ARHGEF3: variants seen among roughly 807,000 people sequenced by gnomAD.
ARHGEF3 encodes Rho guanine nucleotide exchange factor 3.
ARHGEF3 carries 28 observed loss-of-function variants against 63.2 expected under a neutral mutation model. That is an observed-to-expected ratio of 0.44 (90% confidence interval 0.33 to 0.61). ARHGEF3 has a LOEUF of 0.61. Ranked by LOEUF, ARHGEF3 falls within the 20% of genes least tolerant of loss-of-function variation. The pLI is 0.03. For missense variants in ARHGEF3, 533 were observed against 659.3 expected, an observed-to-expected ratio of 0.81 and a Z score of 2.10; for synonymous variants, 266 against 254.2, an observed-to-expected ratio of 1.05 and a Z score of -0.44.
intron 2 of ARHGEF3, among the ~76,000 whole-genome samples, chr3:56,991,113 G>A (rs1701730742): frequency 1.3e-5 from 2 of 152,002 alleles, no homozygotes; most frequent in Admixed American, 1.3e-4. Flanking sequence ...GCCCTGTTTG[G>A]GTAACTGCCC....
chr3:56,852,264 C>A (rs1219572274), intron 4 of ARHGEF3, among the ~76,000 whole-genome samples: 2 of 152,142 alleles, frequency 1.3e-5, no homozygotes, highest in African/African-American at 4.8e-5. Context: ...GTCTCCAGGG[C>A]CCCATGGTGC....
At chr3:57,000,947 A>AT (rs112328990) in intron 2 of ARHGEF3, among the ~76,000 whole-genome samples, 3,672 of 150,774 alleles carry the variant, frequency 0.024, 137 homozygotes, top group African/African-American at 0.083. Context: ...TTATTTTTTA[A>AT]TTTTTTTTTA....
chr3:56,990,683 A>G (rs1215476890), intron 2 of ARHGEF3, among the ~76,000 whole-genome samples: 1 of 152,210 alleles, frequency 6.6e-6, no homozygotes, highest in African/African-American at 2.4e-5. Flanking sequence ...AATGTAACCA[A>G]AGCCTAAGTC....
chr3:57,029,429 CA>C (rs58665707), intron 2 of ARHGEF3, among the ~76,000 whole-genome samples: 6,333 of 140,826 alleles, frequency 0.045, 418 homozygotes, highest in African/African-American at 0.15. Flanking sequence ...AACTCCGTCT[CA>C]AAAAAAAAAA....
At chr3:56,882,004 T>C (rs142001993) in intron 4 of ARHGEF3, among the ~76,000 whole-genome samples, 75 of 152,266 alleles carry the variant, frequency 4.9e-4, no homozygotes, top group African/African-American at 1.7e-3. Flanking sequence ...TCTAAAAGAG[T>C]ACACTGGTAT....
At chr3:57,066,945 T>C (rs899927607) in intron 1 of ARHGEF3, among the ~76,000 whole-genome samples, 28 of 152,250 alleles carry the variant, frequency 1.8e-4, no homozygotes, top group African/African-American at 6.3e-4. Flanking sequence ...AGCCAATTCC[T>C]AAAAATCAAC....
At chr3:57,073,965 T>C in intron 1 of ARHGEF3, 1 of 1,614,152 alleles carries the variant, frequency 6.2e-7, no homozygotes, top group Non-Finnish European at 8.5e-7. Flanking sequence ...AGCAGCCATC[T>C]CTCTTGACAT....
chr3:56,986,404 G>T (rs1242142201), intron 2 of ARHGEF3, among the ~76,000 whole-genome samples: 1 of 152,212 alleles, frequency 6.6e-6, no homozygotes, highest in Non-Finnish European at 1.5e-5. Context: ...AAAGTCTGGG[G>T]CCCCTGGGAG....
intron 2 of ARHGEF3, among the ~76,000 whole-genome samples, chr3:57,017,302 G>A (rs150594805): frequency 2.6e-5 from 4 of 152,114 alleles, no homozygotes; most frequent in African/African-American, 9.6e-5. Flanking sequence ...TGATTCCAGC[G>A]CCCAGAAAGC....
chr3:56,921,177 C>T, intron 3 of ARHGEF3, among the ~76,000 whole-genome samples: 1 of 135,602 alleles, frequency 7.4e-6, no homozygotes, highest in Non-Finnish European at 1.6e-5. Flanking sequence ...CCTGCCTGGA[C>T]AACATGGTGA....
intron 4 of ARHGEF3, among the ~76,000 whole-genome samples, chr3:56,848,949 G>A (rs76907118): frequency 0.043 from 6,514 of 152,248 alleles, 202 homozygotes; most frequent in African/African-American, 0.087. Context: ...GATTATAGGC[G>A]TGAGCCACCG....
chr3:56,962,921 G>A (rs747627663), intron 2 of ARHGEF3, among the ~76,000 whole-genome samples: 1 of 152,112 alleles, frequency 6.6e-6, no homozygotes, highest in African/African-American at 2.4e-5. Flanking sequence ...ACTGTTTCTC[G>A]TCACCTTGAG....
chr3:57,002,462 CTATATATATATATATGTTATA>C (rs1293575589), intron 2 of ARHGEF3, among the ~76,000 whole-genome samples: 1 of 38,686 alleles, frequency 2.6e-5, no homozygotes, highest in Non-Finnish European at 4.5e-5. Context: ...GTTCTAAGCA[CTATATATATATATATGTTATA>C]TATATATATA....
At chr3:56,893,195 A>G (rs2041181835) in intron 3 of ARHGEF3, among the ~76,000 whole-genome samples, 1 of 151,868 alleles carries the variant, frequency 6.6e-6, no homozygotes, top group African/African-American at 2.4e-5. Flanking sequence ...TTATTTTTTT[A>G]GAGATAGGGT....
At chr3:56,824,299 T>A (rs1172551294) in intron 4 of ARHGEF3, among the ~76,000 whole-genome samples, 3 of 152,188 alleles carry the variant, frequency 2.0e-5, no homozygotes, top group Non-Finnish European at 4.4e-5. Flanking sequence ...GTGGTATTTA[T>A]TTTGGAGGGG....
intron 2 of ARHGEF3, among the ~76,000 whole-genome samples, chr3:57,028,674 C>A: frequency 7.0e-6 from 1 of 143,656 alleles, no homozygotes. Context: ...CACATGTACC[C>A]TAAAACTTAA....
intron 3 of ARHGEF3, among the ~76,000 whole-genome samples, chr3:56,934,387 C>A (rs908046119): frequency 6.6e-6 from 1 of 152,372 alleles, no homozygotes. Flanking sequence ...CCCTTCAGCC[C>A]ACCACTGCAC....
chr3:56,854,779 G>GGTGGGGGGT, intron 4 of ARHGEF3, among the ~76,000 whole-genome samples: 1 of 120,378 alleles, frequency 8.3e-6, no homozygotes, highest in Non-Finnish European at 1.7e-5. Context: ...GGGTGGGGGG[G>GGTGGGGGGT]TTGGGGGGCA....
chr3:56,968,277 A>T (rs71309990), intron 2 of ARHGEF3, among the ~76,000 whole-genome samples: 2 of 27,768 alleles, frequency 7.2e-5, no homozygotes, highest in Non-Finnish European at 8.8e-5. Flanking sequence ...ATAATATATA[A>T]AATATATATA....
Sources: allele counts gnomAD v4.1 joint callset (sites outside exome capture counted in the v4.1 genomes callset), GRCh38; gene constraint gnomAD v4.1.1; transcripts MANE v1.5; gene names NCBI Gene and HGNC (gene_info 2026-07-23, HGNC 2026-07-21).